The following ARHGEF28 variants were observed in gnomAD, a reference collection of about 807,000 sequenced individuals.
ARHGEF28 encodes Rho guanine nucleotide exchange factor 28.
Under a neutral mutation model 206.6 loss-of-function variants are expected in ARHGEF28, and 152 were observed. That is an observed-to-expected ratio of 0.74 (90% CI 0.64 to 0.84). ARHGEF28 has a LOEUF of 0.84. Among genes scored for constraint, ARHGEF28 ranks in the 40% least tolerant of loss-of-function variants. The probability of loss-of-function intolerance (pLI) is 0.00; values close to 1 mark genes in which losing one functional copy is unlikely to be tolerated. For synonymous variants in ARHGEF28, 763 were observed against 776.4 expected (o/e 0.98, Z 0.29); for missense variants, 2,028 against 2,073.2 (o/e 0.98, Z 0.42).
chr5:73,709,836 T>G (rs1749141817), intron 2 of ARHGEF28, among the ~76,000 whole-genome samples: 1 of 152,196 alleles, frequency 6.6e-6, no homozygotes, highest in South Asian at 2.1e-4. Flanking sequence ...ATGCATAGCC[T>G]TTTGTATATG....
chr5:73,774,099 A>G, intron 5 of ARHGEF28, 61 bp downstream of exon 5: 1 of 1,442,482 alleles, frequency 6.9e-7, no homozygotes, highest in Non-Finnish European at 9.2e-7. Context: ...AGCATTATAG[A>G]AAAATGGAAA....
intron 33 of ARHGEF28, among the ~76,000 whole-genome samples, chr5:73,906,178 G>A (rs1387373246): frequency 1.3e-5 from 2 of 152,136 alleles, no homozygotes; most frequent in East Asian, 3.9e-4. Flanking sequence ...ATATGACAGT[G>A]CTCATCTTAT....
At chr5:73,925,851 T>C (rs1348866863) in intron 35 of ARHGEF28, among the ~76,000 whole-genome samples, 1 of 152,252 alleles carries the variant, frequency 6.6e-6, no homozygotes, top group South Asian at 2.1e-4. Flanking sequence ...CCCTTCCTTG[T>C]TGATGGACAT....
chr5:73,808,396 C>T (rs1054684340), intron 9 of ARHGEF28, among the ~76,000 whole-genome samples: 1 of 152,140 alleles, frequency 6.6e-6, no homozygotes, highest in African/African-American at 2.4e-5. Context: ...CTCAGAGTGA[C>T]AGCGTCTTGG....
chr5:73,765,889 A>C (rs1197518779), intron 4 of ARHGEF28, among the ~76,000 whole-genome samples: 1 of 152,220 alleles, frequency 6.6e-6, no homozygotes, highest in East Asian at 1.9e-4. Flanking sequence ...GCGGTGGCTC[A>C]CGCCTGTAAT....
intron 2 of ARHGEF28, among the ~76,000 whole-genome samples, chr5:73,729,358 T>C (rs909416794): frequency 1.3e-5 from 2 of 152,186 alleles, no homozygotes; most frequent in African/African-American, 2.4e-5. Flanking sequence ...AGGATGACCA[T>C]GTATAGTGCT....
At chr5:73,662,028 G>A (rs1180336564) in intron 1 of ARHGEF28, among the ~76,000 whole-genome samples, 2 of 152,198 alleles carry the variant, frequency 1.3e-5, no homozygotes, top group African/African-American at 2.4e-5. Flanking sequence ...GCAAAATGCA[G>A]TAACTTGAAG....
rs185126533 is a variant in ARHGEF28 at position 73,910,025 on chromosome 5, A to G, written c.4647+128A>G. On this transcript the variant is annotated intron_variant, in intron 34 of 35. Coordinates refer to ENST00000513042, the MANE Select transcript of ARHGEF28 (RefSeq NM_001177693.2). ...AAGAAGACCTCATGAGGATTTTTCA[A>G]TTTGTAGGTAGCCAAAGCTGGAAGC... 129 of 1,324,928 alleles carry G rather than the reference A, an allele frequency of 9.7e-5. No homozygotes were observed. In the African/African-American group the frequency reaches 1.8e-3, roughly 18 times the overall value. 82.1% of individuals were successfully genotyped at this position (1,324,928 alleles called of 1,614,324 possible). A position where few individuals can be genotyped will look rare whatever the true frequency, so the allele number is the denominator to read the frequency against.
chr5:73,646,911 A>G (rs1744464959), intron 1 of ARHGEF28, among the ~76,000 whole-genome samples: 1 of 137,396 alleles, frequency 7.3e-6, no homozygotes, highest in Non-Finnish European at 1.6e-5. Context: ...TTGCCCCGCC[A>G]TCACTAGGAC....
intron 9 of ARHGEF28, among the ~76,000 whole-genome samples, chr5:73,802,114 AT>A (rs1193030501): frequency 1.3e-5 from 2 of 152,230 alleles, no homozygotes; most frequent in Non-Finnish European, 2.9e-5. Flanking sequence ...ATTTTCAATG[AT>A]TATCACCAGT....
intron 35 of ARHGEF28, among the ~76,000 whole-genome samples, chr5:73,915,977 T>C (rs1214622912): frequency 6.6e-6 from 1 of 152,254 alleles, no homozygotes; most frequent in East Asian, 1.9e-4. Flanking sequence ...TTGAGTTCTC[T>C]TTCCTTTTAC....
intron 1 of ARHGEF28, among the ~76,000 whole-genome samples, chr5:73,670,495 A>G (rs997666801): frequency 7.9e-5 from 12 of 152,198 alleles, no homozygotes; most frequent in Non-Finnish European, 1.6e-4. Flanking sequence ...GTGTGAACAC[A>G]TTTTATTTCT....
intron 22 of ARHGEF28, among the ~76,000 whole-genome samples, chr5:73,881,935 C>T (rs1407583372): frequency 2.0e-5 from 3 of 152,178 alleles, no homozygotes; most frequent in African/African-American, 7.2e-5. Context: ...ATAGCCTGCC[C>T]TTGATCTATT....
At chr5:73,840,963 G>A (rs770051408) in intron 11 of ARHGEF28, among the ~76,000 whole-genome samples, 16 of 152,134 alleles carry the variant, frequency 1.1e-4, no homozygotes, top group African/African-American at 3.1e-4. Flanking sequence ...GGAAAACCAC[G>A]ATGAGATACC....
At chr5:73,920,946 A>G (rs1382446488) in intron 35 of ARHGEF28, among the ~76,000 whole-genome samples, 1 of 152,148 alleles carries the variant, frequency 6.6e-6, no homozygotes, top group Non-Finnish European at 1.5e-5. Flanking sequence ...TTATCTGTTC[A>G]CTGGGGTATT....
At chr5:73,930,268 T>C (rs1400349931) in intron 35 of ARHGEF28, among the ~76,000 whole-genome samples, 1 of 152,222 alleles carries the variant, frequency 6.6e-6, no homozygotes, top group Admixed American at 6.5e-5. Context: ...CTCATAGCAT[T>C]GTTAGGCTTC....
chr5:73,797,606 A>C (rs1754896021), intron 9 of ARHGEF28, among the ~76,000 whole-genome samples: 1 of 151,738 alleles, frequency 6.6e-6, no homozygotes, highest in African/African-American at 2.4e-5. Flanking sequence ...TCGCCTTCAA[A>C]CTCCTGACCT....
At position 73,682,521 on chromosome 5, in the gene ARHGEF28, G is replaced by A. The variant is rs547129449; in HGVS notation, c.-11-2320G>A. On this transcript the variant is annotated intron_variant, in intron 1 of 35. Transcript: ENST00000513042. ...CAACCCCTGCCTCCTGGGTTCAAGC[G>A]ATTCTCCTGCCTCAGCCTCCAGCTG... Among the ~76,000 whole-genome samples the A allele has an allele frequency of 3.8e-4, 58 of 151,478 alleles. 1 individual carries two copies. Among genetic ancestry groups the A allele is most frequent in the Non-Finnish European group, 6.6e-4 (45 of 67,940 alleles).
intron 1 of ARHGEF28, among the ~76,000 whole-genome samples, chr5:73,656,780 C>A (rs1745230812): frequency 6.6e-6 from 1 of 152,132 alleles, no homozygotes; most frequent in African/African-American, 2.4e-5. Flanking sequence ...CAAGGCCTTG[C>A]ATAATAGATC....
Sources: gnomAD v4.1 joint callset for allele counts (sites outside exome capture counted in the v4.1 genomes callset) on GRCh38, gnomAD v4.1.1 for gene constraint, MANE v1.5 for transcripts, NCBI Gene and HGNC (gene_info 2026-07-23, HGNC 2026-07-21) for gene names.